PLCB1: variants seen among roughly 807,000 people sequenced by gnomAD.
PLCB1 encodes 1-phosphatidylinositol 4,5-bisphosphate phosphodiesterase beta-1.
In PLCB1, 46 loss-of-function variants were observed where a neutral mutation model predicts 161.8. The observed-to-expected ratio is 0.28, with a 90% CI of 0.22 to 0.36. The LOEUF (loss-of-function observed/expected upper bound fraction) is 0.36, where lower values mean the gene tolerates loss of function less well. Among genes scored for constraint, PLCB1 ranks in the 10% least tolerant of loss-of-function variants. The pLI, the probability that PLCB1 is intolerant of heterozygous loss-of-function variation, is 1.00. For missense variants in PLCB1, 1,016 were observed against 1,472.5 expected (o/e 0.69, Z 5.07); for synonymous variants, 517 against 503.7 (o/e 1.03, Z -0.35).
intron 3 of PLCB1, among the ~76,000 whole-genome samples, chr20:8,426,667 T>C (rs1347135627): frequency 6.6e-6 from 1 of 152,146 alleles, no homozygotes; most frequent in African/African-American, 2.4e-5. Context: ...GGGTTCTTTG[T>C]TAAATAAGTA....
intron 3 of PLCB1, among the ~76,000 whole-genome samples, chr20:8,581,757 A>T (rs552232433): frequency 6.6e-6 from 1 of 152,256 alleles, no homozygotes; most frequent in Admixed American, 6.5e-5. Context: ...ATACCTTACC[A>T]CCTGCAAAGA....
At chr20:8,845,316 G>A (rs1375131988) in intron 31 of PLCB1, among the ~76,000 whole-genome samples, 2 of 152,120 alleles carry the variant, frequency 1.3e-5, no homozygotes, top group East Asian at 3.9e-4. Flanking sequence ...CATATAGTTT[G>A]AAGGTATAAT....
intron 3 of PLCB1, among the ~76,000 whole-genome samples, chr20:8,505,089 T>C (rs1218518167): frequency 1.3e-5 from 2 of 152,088 alleles, no homozygotes; most frequent in South Asian, 2.1e-4. Flanking sequence ...CTCAAACTCC[T>C]GGCCTCAGCA....
At chr20:8,241,613 C>T (rs1430039911) in intron 2 of PLCB1, among the ~76,000 whole-genome samples, 1 of 151,838 alleles carries the variant, frequency 6.6e-6, no homozygotes. Context: ...TGTATGTTAT[C>T]TAATCTATGC....
chr20:8,249,204 TAG>T (rs1460375406), intron 2 of PLCB1, among the ~76,000 whole-genome samples: 1 of 151,960 alleles, frequency 6.6e-6, no homozygotes, highest in Non-Finnish European at 1.5e-5. Flanking sequence ...ACATAAGAAA[TAG>T]AGTTATTTAA....
chr20:8,632,039 T>TTTTTTTG, intron 4 of PLCB1, among the ~76,000 whole-genome samples: 1 of 29,426 alleles, frequency 3.4e-5, no homozygotes, highest in African/African-American at 1.3e-4. Context: ...TTTTTGCTTT[T>TTTTTTTG]TTTTTTTTTT....
chr20:8,610,987 TTAAA>T (rs1413323613), intron 3 of PLCB1, among the ~76,000 whole-genome samples: 9 of 152,204 alleles, frequency 5.9e-5, no homozygotes, highest in East Asian at 5.8e-4. Context: ...AAGAAAAATC[TTAAA>T]TAAATGGTAA....
At chr20:8,638,050 C>G (rs1179477949) in intron 4 of PLCB1, among the ~76,000 whole-genome samples, 1 of 152,184 alleles carries the variant, frequency 6.6e-6, no homozygotes, top group Non-Finnish European at 1.5e-5. Context: ...CACCCGCCAC[C>G]ATGCCCGGCT....
rs1458849828 is a variant in PLCB1 at position 8,342,916 on chromosome 20, G to A, written c.178-28466G>A. On this transcript the variant is annotated intron_variant, in intron 2 of 31. Transcript: ENST00000338037. Reference sequence around the variant, plus strand: ...GTATTATTCAGCTACAGTAGATGCTGGGGGCCCTCAAATCCCAACAGTCCA... The same window carrying A: ...GTATTATTCAGCTACAGTAGATGCTAGGGGCCCTCAAATCCCAACAGTCCA... Among the ~76,000 whole-genome samples, 4 of 152,174 alleles carry A rather than the reference G, an allele frequency of 2.6e-5. No individual in the cohort carries two copies. The East Asian group carries it at 7.7e-4, about 29-fold the overall frequency.
intron 1 of PLCB1, among the ~76,000 whole-genome samples, chr20:8,148,957 A>G (rs766887581): frequency 1.3e-5 from 2 of 152,212 alleles, no homozygotes; most frequent in Non-Finnish European, 2.9e-5. Context: ...TGCATGTGGC[A>G]TTTCAATTTG....
At chr20:8,456,000 G>A (rs556796167) in intron 3 of PLCB1, among the ~76,000 whole-genome samples, 5 of 152,286 alleles carry the variant, frequency 3.3e-5, no homozygotes, top group South Asian at 2.1e-4. Context: ...GTAAATTATA[G>A]GAATACGTGT....
chr20:8,808,487 A>G (rs1210159566), intron 31 of PLCB1, among the ~76,000 whole-genome samples: 6 of 152,322 alleles, frequency 3.9e-5, no homozygotes, highest in South Asian at 2.1e-4. Context: ...CCTGTCTCCA[A>G]ATATAATCAC....
Position 8,881,765 on chromosome 20 carries a change from C to T in PLCB1, c.3567C>T (p.Asp1189=). 1 of 1,614,034 alleles carries T rather than the reference C, an allele frequency of 6.2e-7. No homozygotes were observed. The highest frequency in any genetic ancestry group is 8.5e-7 in the Non-Finnish European group (1 of 1,179,956). Residue 1189 remains aspartate (D), a synonymous_variant, in exon 32 of 32, where the codon GAC becomes GAT. Transcript: ENST00000338037. Reference sequence around the variant, plus strand: ...CTGCCCCTCTCTCCCTGTCCTCAGACCCTGGAAAAGTGAACCACAAGACTC... The same window carrying T: ...CTGCCCCTCTCTCCCTGTCCTCAGATCCTGGAAAAGTGAACCACAAGACTC... The part of the protein sequence containing the change: ...HGSAPLSLSS[D]PGKVNHKTPS...
chr20:8,877,600 G>T (rs1197132799), intron 31 of PLCB1, among the ~76,000 whole-genome samples: 2 of 152,108 alleles, frequency 1.3e-5, no homozygotes, highest in African/African-American at 4.8e-5. Context: ...GACTTGCCTG[G>T]CCCCTGTAAC....
intron 7 of PLCB1, among the ~76,000 whole-genome samples, chr20:8,655,645 C>T (rs1454219018): frequency 1.3e-5 from 2 of 151,870 alleles, no homozygotes; most frequent in Admixed American, 6.6e-5. Flanking sequence ...TTTATGTGTA[C>T]GTTGAGTGAA....
intron 5 of PLCB1, among the ~76,000 whole-genome samples, chr20:8,646,409 GT>G (rs1406696087): frequency 6.6e-6 from 1 of 152,226 alleles, no homozygotes; most frequent in Non-Finnish European, 1.5e-5. Context: ...CCTGGGCTAA[GT>G]TCGCATGAAT....
chr20:8,814,289 C>T (rs1450424414), intron 31 of PLCB1, among the ~76,000 whole-genome samples: 1 of 152,156 alleles, frequency 6.6e-6, no homozygotes, highest in Non-Finnish European at 1.5e-5. Flanking sequence ...TGACAGGATT[C>T]TGGCCTTTTG....
At chr20:8,614,963 C>G (rs1027081511) in intron 3 of PLCB1, among the ~76,000 whole-genome samples, 9 of 152,040 alleles carry the variant, frequency 5.9e-5, no homozygotes, top group Non-Finnish European at 1.3e-4. Flanking sequence ...GCAATTAATT[C>G]ATATTCAGAA....
intron 3 of PLCB1, among the ~76,000 whole-genome samples, chr20:8,404,110 A>G (rs1305750773): frequency 1.3e-5 from 2 of 152,186 alleles, no homozygotes; most frequent in Non-Finnish European, 1.5e-5. Context: ...AGCAATTAAG[A>G]TGAATTTTTC....
Sources: gnomAD v4.1 joint callset for allele counts (sites outside exome capture counted in the v4.1 genomes callset) on GRCh38, gnomAD v4.1.1 for gene constraint, MANE v1.5 for transcripts, NCBI Gene and HGNC (gene_info 2026-07-23, HGNC 2026-07-21) for gene names.